ABHD3: variants seen among roughly 807,000 people sequenced by gnomAD.
The protein encoded by ABHD3 is abhydrolase domain containing 3, phospholipase.
Under a neutral mutation model 48.8 loss-of-function variants are expected in ABHD3, and 46 were observed. The observed-to-expected ratio is 0.94, with a 90% CI of 0.74 to 1.20. ABHD3 has a LOEUF of 1.20. Ranked by LOEUF, ABHD3 falls within the 50% of genes most tolerant of loss-of-function variation. The pLI is 0.00. For missense variants in ABHD3, 490 were observed against 497.8 expected (o/e 0.98, Z 0.15); for synonymous variants, 192 against 183.7 (o/e 1.04, Z -0.36).
intron 1 of ABHD3, 42 bp from the exon 2 acceptor site, chr18:21,703,789 T>A: frequency 6.3e-7 from 1 of 1,587,066 alleles, no homozygotes; most frequent in Non-Finnish European, 8.6e-7. Context: ...CAGAGCAAAG[T>A]TTCTGCCAAC....
chr18:21,656,915 C>G lies in ABHD3; in HGVS notation c.1003G>C (p.Gly335Arg). The G allele has an allele frequency of 6.2e-7, 1 of 1,613,558 alleles. No individual in the cohort carries two copies. Among genetic ancestry groups the G allele is most frequent in the Non-Finnish European group, 8.5e-7 (1 of 1,179,638 alleles). Reference sequence around the variant, plus strand: ...GAATTTAGACACAATACTGGAATTCCTACTGACTTCAGTCTAGGACTCGGA... The same window carrying G: ...GAATTTAGACACAATACTGGAATTCGTACTGACTTCAGTCTAGGACTCGGA... Reference protein sequence around the residue: ...ASPSPRLKSVGIPVLCLNSVD... With the variant: ...ASPSPRLKSVRIPVLCLNSVD... The change falls in exon 8 of 9, where the codon GGA becomes CGA. Residue 335 changes from glycine to arginine, a missense_variant. Physicochemically the swap from Gly to Arg is moderately radical, Grantham distance 125. Transcript: ENST00000289119.
intron 4 of ABHD3, among the ~76,000 whole-genome samples, chr18:21,681,598 A>G (rs2040006035): frequency 6.6e-6 from 1 of 152,186 alleles, no homozygotes; most frequent in Non-Finnish European, 1.5e-5. Flanking sequence ...AAACATGACC[A>G]TGATCAAATT....
rs754087434 is a variant in ABHD3 at position 21,657,148 on chromosome 18, G to A, written c.847C>T (p.Arg283Ter). 8 of 1,604,444 alleles carry A rather than the reference G, an allele frequency of 5.0e-6. No individual in the cohort carries two copies. The highest frequency in any genetic ancestry group is 3.3e-5 in the South Asian group (3 of 89,976). The change falls in exon 7 of 9, where the codon CGA (arginine) becomes TGA (stop). Residue 283 changes from arginine to a stop codon, truncating the protein, a stop_gained. Transcript: ENST00000289119. LOFTEE classifies it high-confidence loss of function. The stretch of plus-strand genomic sequence containing the variant: ...TCAACTTGTTTTACAAACATATGTC[G>A]GTGCCTGGAACAAAAGAATTTCGGA... ...TCLQSSVNKH[R>*]HMFVKQVDMD...
rs982719835 is a variant in ABHD3, at chr18:21,704,773, G to A, written c.-108C>T. 9.2e-7 allele frequency: 1 copy of A among 1,081,348 alleles called. No homozygotes were observed. The highest frequency in any genetic ancestry group is 4.4e-5 in the Admixed American group (1 of 22,870). The allele number at this position is 1,081,348 out of a possible 1,614,324, so 67.0% of individuals were successfully genotyped here. ...GCGCCGCTGCCTACTCCCGACCACA[G>A]TGTCTCCTGCCTGGCGGAGCGCGGC... On this transcript the variant is annotated 5_prime_UTR_variant, in exon 1 of 9. Coordinates refer to ENST00000289119, the MANE Select transcript of ABHD3 (RefSeq NM_138340.5).
Position 21,703,758 on chromosome 18 carries a change from A to G in ABHD3, c.163-11T>C. 1 of 1,611,828 alleles carries G rather than the reference A, an allele frequency of 6.2e-7. No individual in the cohort carries two copies. Among genetic ancestry groups the G allele is most frequent in the Non-Finnish European group, 8.5e-7 (1 of 1,178,364 alleles). On this transcript the variant is annotated splice_polypyrimidine_tract_variant and intron_variant, in intron 1 of 8. Coordinates refer to ENST00000289119, the MANE Select transcript of ABHD3 (RefSeq NM_138340.5). ...CACTAACTGGGGTTTCTGAAGGGAA[A>G]AGCAGTATCAGAGAAGGGCCCAGAG... is the stretch of plus-strand genomic sequence containing the variant.
At chr18:21,694,049 GAC>G (rs1310225546) in intron 3 of ABHD3, among the ~76,000 whole-genome samples, 1 of 152,074 alleles carries the variant, frequency 6.6e-6, no homozygotes, top group Non-Finnish European at 1.5e-5. Flanking sequence ...AACTTCAAAT[GAC>G]ATTTACTTGC....
intron 4 of ABHD3, among the ~76,000 whole-genome samples, chr18:21,668,217 A>AAAAAG (rs1370034550): frequency 7.3e-5 from 10 of 137,682 alleles, no homozygotes; most frequent in Admixed American, 1.5e-4. Flanking sequence ...AAAAAAAAAA[A>AAAAAG]AAAGAAAGAA....
intron 5 of ABHD3, chr18:21,663,801 G>A (rs1285503939): frequency 3.3e-6 from 5 of 1,533,390 alleles, no homozygotes; most frequent in Admixed American, 4.0e-5. Context: ...AGGGATGGCT[G>A]GGAGTGCGTC....
Position 21,704,559 on chromosome 18 carries a change from AG to A in ABHD3, c.106del (p.Ile37SerfsTer13). The part of the protein sequence containing the change: ...GFFGSGVGLS[L>X]ILGFSVAYAF... ...ATAAGCGACGCTGAAGCCCAGGATA[AG>A]GGATAAGCCCACCCCCGAGCCGAAG... On this transcript the variant is annotated frameshift_variant, in exon 1 of 9. Transcript: ENST00000289119. LOFTEE classifies it high-confidence loss of function. The A allele has an allele frequency of 6.5e-7, 1 of 1,532,420 alleles. No individual in the cohort carries two copies. Among genetic ancestry groups the A allele is most frequent in the Non-Finnish European group, 8.8e-7 (1 of 1,141,440 alleles). The allele number at this position is 1,532,420 out of a possible 1,614,324, so 94.9% of individuals were successfully genotyped here. A position where few individuals can be genotyped will look rare whatever the true frequency, so the allele number is the denominator to read the frequency against.
chr18:21,652,363 A>C (rs1156317176), intron 8 of ABHD3, among the ~76,000 whole-genome samples: 1 of 152,100 alleles, frequency 6.6e-6, no homozygotes, highest in Non-Finnish European at 1.5e-5. Flanking sequence ...GAAGAAAGAA[A>C]GGAAGACAAG....
chr18:21,691,024 A>G (rs2040240505), intron 3 of ABHD3, among the ~76,000 whole-genome samples: 1 of 151,510 alleles, frequency 6.6e-6, no homozygotes. Context: ...AAAAAGAGCA[A>G]GATCTAACTA....
intron 4 of ABHD3, among the ~76,000 whole-genome samples, chr18:21,681,854 G>A (rs2146315579): frequency 6.6e-6 from 1 of 152,228 alleles, no homozygotes; most frequent in South Asian, 2.1e-4. Flanking sequence ...TGCAGGACAG[G>A]GGCCAGGTGC....
chr18:21,669,924 G>A (rs757995888), intron 4 of ABHD3, among the ~76,000 whole-genome samples: 13 of 152,192 alleles, frequency 8.5e-5, no homozygotes, highest in Middle Eastern at 3.4e-3. Flanking sequence ...TATGGAAGGC[G>A]ACACCAGGAA....
chr18:21,675,112 T>G (rs190673468), intron 4 of ABHD3, among the ~76,000 whole-genome samples: 1 of 152,234 alleles, frequency 6.6e-6, no homozygotes, highest in Non-Finnish European at 1.5e-5. Flanking sequence ...CCCCAGATTT[T>G]CAGGCTGACT....
At chr18:21,703,785 A>G (rs765824561) in intron 1 of ABHD3, 38 bp from the exon 2 acceptor site, 2 of 1,591,712 alleles carry the variant, frequency 1.3e-6, no homozygotes, top group South Asian at 2.2e-5. Flanking sequence ...GGCCCAGAGC[A>G]AAGTTTCTGC....
chr18:21,658,769 T>C (rs2039413629), intron 6 of ABHD3, among the ~76,000 whole-genome samples: 1 of 152,154 alleles, frequency 6.6e-6, no homozygotes, highest in Non-Finnish European at 1.5e-5. Flanking sequence ...TAAACACATA[T>C]ACATATATTG....
chr18:21,697,416 G>C lies in ABHD3; in HGVS notation c.509+4900C>G, dbSNP rs183308361. ...AAAAACTGAGACAGAGTCTCACTCT[G>C]TTGCCCAGGCTGGAGTGCAGTGGCA... On this transcript the variant is annotated intron_variant, in intron 3 of 8. Coordinates refer to ENST00000289119, the MANE Select transcript of ABHD3 (RefSeq NM_138340.5). Among the ~76,000 whole-genome samples the C allele has an allele frequency of 6.6e-4, 100 of 151,996 alleles. 1 individual carries two copies. The highest frequency in any genetic ancestry group is 5.2e-3 in the South Asian group (25 of 4,818).
chr18:21,700,129 G>A (rs549702479), intron 3 of ABHD3, among the ~76,000 whole-genome samples: 4 of 151,600 alleles, frequency 2.6e-5, no homozygotes, highest in Non-Finnish European at 4.4e-5. Flanking sequence ...TCGCTCTGTC[G>A]CCCAGGCTGG....
At chr18:21,659,383 T>C (rs1194782872) in intron 5 of ABHD3, 40 bp from the exon 6 acceptor site, 1 of 1,572,732 alleles carries the variant, frequency 6.4e-7, no homozygotes, top group Non-Finnish European at 8.6e-7. Flanking sequence ...GATTAATTTG[T>C]TGTATCACAG....
Sources: gnomAD v4.1 joint callset for allele counts (sites outside exome capture counted in the v4.1 genomes callset) on GRCh38, gnomAD v4.1.1 for gene constraint, MANE v1.5 for transcripts, NCBI Gene and HGNC (gene_info 2026-07-23, HGNC 2026-07-21) for gene names.